Variants in AGBL1 observed in about 807,000 individuals in gnomAD.
AGBL1 encodes the protein cytosolic carboxypeptidase 4.
In AGBL1, 130 loss-of-function variants were observed where a neutral mutation model predicts 118.9. The ratio of observed to expected loss-of-function variants is 1.09; its 90% CI spans 0.95 to 1.26. The LOEUF (loss-of-function observed/expected upper bound fraction) is 1.26, where lower values mean the gene tolerates loss of function less well. AGBL1 is among the 50% of genes most tolerant of loss of function. The pLI is 0.00. For synonymous variants in AGBL1, 555 were observed against 478.9 expected, an observed-to-expected ratio of 1.16 and a Z score of -2.08; for missense variants, 1,584 against 1,298.1, an observed-to-expected ratio of 1.22 and a Z score of -3.38.
chr15:86,650,722 C>T (rs1567103439), intron 21 of AGBL1, among the ~76,000 whole-genome samples: 1 of 152,220 alleles, frequency 6.6e-6, no homozygotes, highest in Non-Finnish European at 1.5e-5. Context: ...CAGCAACTGT[C>T]CTTGAATCAC....
intron 18 of AGBL1, among the ~76,000 whole-genome samples, chr15:86,505,140 G>T (rs1459001840): frequency 6.6e-6 from 1 of 151,652 alleles, no homozygotes; most frequent in Non-Finnish European, 1.5e-5. Flanking sequence ...TTCATTGTAG[G>T]TTTCTTGTAT....
At chr15:86,562,402 C>A (rs954430869) in intron 21 of AGBL1, among the ~76,000 whole-genome samples, 4 of 151,970 alleles carry the variant, frequency 2.6e-5, no homozygotes, top group South Asian at 2.1e-4. Flanking sequence ...TGAGATAATC[C>A]TGTGGTTTTT....
intron 22 of AGBL1, among the ~76,000 whole-genome samples, chr15:86,803,193 A>G (rs2078673888): frequency 6.6e-6 from 1 of 152,100 alleles, no homozygotes; most frequent in Non-Finnish European, 1.5e-5. Flanking sequence ...CTCATGTGTC[A>G]AGGGAGGGAG....
intron 21 of AGBL1, among the ~76,000 whole-genome samples, chr15:86,658,248 G>A (rs776253674): frequency 6.6e-6 from 1 of 152,040 alleles, no homozygotes; most frequent in African/African-American, 2.4e-5. Context: ...TCTAGACCAA[G>A]ACAATTATTA....
At position 86,247,891 on chromosome 15, in the gene AGBL1, G is replaced by A. The variant is rs756046776; in HGVS notation, c.735+12G>A. The A allele has an allele frequency of 6.2e-7, 1 of 1,613,484 alleles. No homozygotes were observed. The highest frequency in any genetic ancestry group is 1.1e-5 in the South Asian group (1 of 91,066). ...TCAGCACCACACAGGCAGGCAGCAT[G>A]GGGATTCACTCTGCAGCTGGAGGCC... On this transcript the variant is annotated intron_variant, in intron 7 of 22. Transcript: ENST00000614907.
At chr15:86,734,022 C>G (rs560629477) in intron 22 of AGBL1, among the ~76,000 whole-genome samples, 19 of 152,268 alleles carry the variant, frequency 1.2e-4, no homozygotes, top group African/African-American at 4.3e-4. Flanking sequence ...TTGATCCCCT[C>G]TGATACCCTC....
At chr15:86,149,753 A>G (rs1473023193) in intron 3 of AGBL1, among the ~76,000 whole-genome samples, 2 of 152,226 alleles carry the variant, frequency 1.3e-5, no homozygotes, top group Non-Finnish European at 2.9e-5. Context: ...CCAGGACTTG[A>G]ACTCAGCTCT....
At chr15:86,838,000 A>G (rs1010542230) in intron 22 of AGBL1, among the ~76,000 whole-genome samples, 1 of 152,084 alleles carries the variant, frequency 6.6e-6, no homozygotes, top group African/African-American at 2.4e-5. Flanking sequence ...CCTCCATTGA[A>G]TTGCAATTAC....
At chr15:86,497,583 C>T (rs1297991243) in intron 18 of AGBL1, among the ~76,000 whole-genome samples, 1 of 151,918 alleles carries the variant, frequency 6.6e-6, no homozygotes, top group Non-Finnish European at 1.5e-5. Flanking sequence ...GTGTTCCATG[C>T]CCCTAGGTTA....
intron 9 of AGBL1, among the ~76,000 whole-genome samples, chr15:86,260,012 C>A (rs1336421835): frequency 1.3e-5 from 2 of 152,198 alleles, no homozygotes; most frequent in Non-Finnish European, 1.5e-5. Context: ...CAAAGAAGCA[C>A]AAGACAAATT....
chr15:86,129,942 T>C (rs1036456059), intron 1 of AGBL1, among the ~76,000 whole-genome samples: 6 of 152,150 alleles, frequency 3.9e-5, no homozygotes, highest in African/African-American at 1.4e-4. Context: ...CCCCAGAGAC[T>C]CCTGGCTAAC....
At chr15:86,928,492 G>T (rs1374675206) in intron 23 of AGBL1, among the ~76,000 whole-genome samples, 2 of 152,162 alleles carry the variant, frequency 1.3e-5, no homozygotes, top group Non-Finnish European at 2.9e-5. Context: ...AGCTAATATG[G>T]ACTGGAGCAT....
chr15:86,345,354 G>A (rs577866236), intron 17 of AGBL1, among the ~76,000 whole-genome samples: 1 of 152,244 alleles, frequency 6.6e-6, no homozygotes, highest in East Asian at 1.9e-4. Flanking sequence ...CACCAATAGT[G>A]CATCAGCGAG....
chr15:86,571,497 AG>A (rs1227471484), intron 21 of AGBL1, among the ~76,000 whole-genome samples: 1 of 152,126 alleles, frequency 6.6e-6, no homozygotes, highest in East Asian at 1.9e-4. Flanking sequence ...CTTAGTAGAG[AG>A]GGTACTTGCT....
chr15:86,604,092 G>T (rs2084537178), intron 21 of AGBL1, among the ~76,000 whole-genome samples: 1 of 152,064 alleles, frequency 6.6e-6, no homozygotes, highest in South Asian at 2.1e-4. Context: ...TACAAATTGT[G>T]TTAAAATTAC....
At chr15:86,145,524 C>T (rs2077021266) in intron 3 of AGBL1, among the ~76,000 whole-genome samples, 1 of 152,112 alleles carries the variant, frequency 6.6e-6, no homozygotes, top group East Asian at 1.9e-4. Flanking sequence ...GAAAAGTGGG[C>T]CTTTGATGTC....
At chr15:86,580,077 C>A (rs747590910) in intron 21 of AGBL1, among the ~76,000 whole-genome samples, 7 of 152,138 alleles carry the variant, frequency 4.6e-5, no homozygotes, top group Non-Finnish European at 1.0e-4. Flanking sequence ...TGGCCAATTT[C>A]TTCTGTGAAA....
chr15:86,367,493 G>C (rs558790689), intron 17 of AGBL1, among the ~76,000 whole-genome samples: 2 of 152,126 alleles, frequency 1.3e-5, no homozygotes, highest in African/African-American at 4.8e-5. Flanking sequence ...GTGGTGGTGG[G>C]AGGAATGATG....
At chr15:86,598,113 T>C (rs2084437309) in intron 21 of AGBL1, among the ~76,000 whole-genome samples, 2 of 152,106 alleles carry the variant, frequency 1.3e-5, no homozygotes, top group African/African-American at 4.8e-5. Flanking sequence ...ATGAGGGGTG[T>C]TTAACCCATT....
Sources: allele counts gnomAD v4.1 joint callset (sites outside exome capture counted in the v4.1 genomes callset), GRCh38; gene constraint gnomAD v4.1.1; transcripts MANE v1.5; gene names NCBI Gene and HGNC (gene_info 2026-07-23, HGNC 2026-07-21).